The following LRRIQ1 variants were observed in gnomAD, a reference collection of about 807,000 sequenced individuals.
LRRIQ1 encodes leucine-rich repeat- and IQ domain-containing protein 1.
Under a neutral mutation model 211.9 loss-of-function variants are expected in LRRIQ1, and 210 were observed. That is an observed-to-expected ratio of 0.99 (90% CI 0.89 to 1.11). The LOEUF is 1.11. Among genes scored for constraint, LRRIQ1 ranks in the 50% most tolerant of loss-of-function variants. LRRIQ1 has a pLI of 0.00. For synonymous variants in LRRIQ1, 699 were observed against 650.1 expected (o/e 1.08, Z -1.14); for missense variants, 2,136 against 1,939.5 (o/e 1.10, Z -1.90).
rs1176380078 is a variant in LRRIQ1, at chr12:85,244,946, C to G, written c.*5C>G. 1 of 1,609,048 alleles carries G rather than the reference C, an allele frequency of 6.2e-7. No homozygotes were observed. Among genetic ancestry groups the G allele is most frequent in the African/African-American group, 1.3e-5 (1 of 74,626 alleles). ...TTTCCTTCAAAATTAATTTAGAAAT[C>G]ACAAACGAATTGATGGAACCTAATG... On this transcript the variant is annotated 3_prime_UTR_variant, in exon 27 of 27. Coordinates refer to ENST00000393217, the MANE Select transcript of LRRIQ1 (RefSeq NM_001079910.2).
chr12:85,105,959 G>A (rs572653916), intron 14 of LRRIQ1, among the ~76,000 whole-genome samples: 1 of 151,782 alleles, frequency 6.6e-6, no homozygotes, highest in South Asian at 2.1e-4. Context: ...ACCATGCCCA[G>A]CTAATTTTGT....
intron 24 of LRRIQ1, among the ~76,000 whole-genome samples, chr12:85,189,589 TACTC>T: frequency 6.6e-6 from 1 of 151,892 alleles, no homozygotes; most frequent in Non-Finnish European, 1.5e-5. Flanking sequence ...CTCCAAATAA[TACTC>T]AGCCTCTGAA....
intron 24 of LRRIQ1, among the ~76,000 whole-genome samples, chr12:85,197,930 TA>T (rs1452196558): frequency 3.6e-5 from 4 of 110,444 alleles, no homozygotes; most frequent in Non-Finnish European, 7.2e-5. Context: ...ATATATAATA[TA>T]ATTATATATA....
At chr12:85,217,582 GTA>G (rs62755460) in intron 24 of LRRIQ1, among the ~76,000 whole-genome samples, 57,308 of 118,358 alleles carry the variant, frequency 0.48, 17,151 homozygotes, top group African/African-American at 0.87. Flanking sequence ...GTATACATAT[GTA>G]TATATATATG....
intron 10 of LRRIQ1, among the ~76,000 whole-genome samples, chr12:85,070,603 C>G (rs1882981417): frequency 6.6e-6 from 1 of 151,854 alleles, no homozygotes; most frequent in South Asian, 2.1e-4. Flanking sequence ...ACTACTTGTT[C>G]TACCTTTCTC....
chr12:85,104,620 A>C (rs1356813156), intron 14 of LRRIQ1, among the ~76,000 whole-genome samples: 1 of 151,788 alleles, frequency 6.6e-6, no homozygotes, highest in Non-Finnish European at 1.5e-5. Flanking sequence ...CACTTTATAT[A>C]TTTATTAAAT....
chr12:85,217,648 GTATATGTATATATGTATATATGTGTA>G (rs1894200245), intron 24 of LRRIQ1, among the ~76,000 whole-genome samples: 1 of 133,124 alleles, frequency 7.5e-6, no homozygotes, highest in Non-Finnish European at 1.6e-5. Flanking sequence ...ATATATATGT[GTATATGTATATATGTATATATGTGTA>G]TATATGTATA....
At chr12:85,094,603 T>A (rs1885698695) in intron 11 of LRRIQ1, among the ~76,000 whole-genome samples, 2 of 152,170 alleles carry the variant, frequency 1.3e-5, no homozygotes, top group Admixed American at 6.6e-5. Flanking sequence ...TGGTCTTTTT[T>A]ATGTTCCATA....
At chr12:85,231,888 G>A (rs867348520) in intron 25 of LRRIQ1, among the ~76,000 whole-genome samples, 53 of 152,140 alleles carry the variant, frequency 3.5e-4, no homozygotes, top group African/African-American at 1.1e-3. Context: ...CATGAGTTTT[G>A]GTGAGACTAC....
intron 24 of LRRIQ1, among the ~76,000 whole-genome samples, chr12:85,161,115 A>C (rs903506462): frequency 6.6e-6 from 1 of 152,122 alleles, no homozygotes; most frequent in Non-Finnish European, 1.5e-5. Flanking sequence ...AGCCCTATAA[A>C]TTATACTCTG....
rs11116697 is a variant in LRRIQ1 at position 85,082,871 on chromosome 12, A to G, written c.2887+9773A>G. The stretch of plus-strand genomic sequence containing the variant: ...TGTGATTATTCTTAGATTTGGAATG[A>G]AAGTTTGGCCTCTAGAAATAATTTT... On this transcript the variant is annotated intron_variant, in intron 11 of 26. Coordinates refer to ENST00000393217, the MANE Select transcript of LRRIQ1 (RefSeq NM_001079910.2). Among the ~76,000 whole-genome samples the G allele has an allele frequency of 1.4e-3, 217 of 152,198 alleles. 2 individuals carry two copies. Among genetic ancestry groups the G allele is most frequent in the African/African-American group, 5.2e-3 (215 of 41,496 alleles).
intron 15 of LRRIQ1, among the ~76,000 whole-genome samples, chr12:85,113,330 G>C (rs377456106): frequency 1.3e-5 from 2 of 152,156 alleles, no homozygotes; most frequent in East Asian, 3.9e-4. Flanking sequence ...GAATTGTGTA[G>C]ATTGCACTTA....
chr12:85,196,169 A>G (rs1450022097), intron 24 of LRRIQ1, among the ~76,000 whole-genome samples: 4 of 152,120 alleles, frequency 2.6e-5, no homozygotes, highest in Admixed American at 1.3e-4. Flanking sequence ...GCTCAAGGAA[A>G]TAAAAGAGGA....
intron 10 of LRRIQ1, among the ~76,000 whole-genome samples, chr12:85,070,506 T>C (rs928156184): frequency 2.6e-5 from 4 of 152,004 alleles, no homozygotes; most frequent in Admixed American, 6.6e-5. Context: ...TGCTTACTAT[T>C]GTATGGAGAA....
At chr12:85,188,190 A>G (rs903279078) in intron 24 of LRRIQ1, among the ~76,000 whole-genome samples, 1 of 152,104 alleles carries the variant, frequency 6.6e-6, no homozygotes, top group Non-Finnish European at 1.5e-5. Context: ...ATCAAATTAT[A>G]TTAGAGTAAC....
At position 85,260,129 on chromosome 12, in the gene LRRIQ1, TAAAAA is replaced by T. The variant is rs34282611; in HGVS notation, c.122-2769_122-2765del. Among the ~76,000 whole-genome samples the T allele has an allele frequency of 7.1e-3, 822 of 115,586 alleles. 3 individuals carry two copies. The highest frequency in any genetic ancestry group is 0.011 in the Non-Finnish European group (615 of 57,588). The allele number at this position is 115,586 out of a possible 152,430, so 75.8% of individuals were successfully genotyped here. A position where few individuals can be genotyped will look rare whatever the true frequency, so the allele number is the denominator to read the frequency against. On this transcript the variant is annotated intron_variant, in intron 1 of 1. Transcript: ENST00000602731. ...CTTACATGTTACTTTTCATGTTGGT[TAAAAA>T]AAAAAAAAAAAAAAAAGCTTATATT...
rs762588372 is a variant in LRRIQ1 at position 85,137,837 on chromosome 12, C to A, written c.4210-13C>A. 4.4e-6 allele frequency: 7 copies of A among 1,574,676 alleles called. No individual in the cohort carries two copies. The South Asian group carries it at 8.3e-5, about 19-fold the overall frequency. On this transcript the variant is annotated splice_polypyrimidine_tract_variant and intron_variant, in intron 18 of 26. Coordinates refer to ENST00000393217, the MANE Select transcript of LRRIQ1 (RefSeq NM_001079910.2). ...CTATAACTTTGTATAACATACTTTA[C>A]ATTTTTGTTTAGGCAGTTTGGAAGG...
intron 24 of LRRIQ1, among the ~76,000 whole-genome samples, chr12:85,174,971 G>A (rs981489683): frequency 6.6e-6 from 1 of 151,928 alleles, no homozygotes; most frequent in Admixed American, 6.6e-5. Context: ...CTTGCAATGG[G>A]TCAGTTATCT....
chr12:85,114,671 A>ATTT (rs1887445754), intron 15 of LRRIQ1, among the ~76,000 whole-genome samples: 4 of 134,104 alleles, frequency 3.0e-5, no homozygotes, highest in Admixed American at 7.9e-5. Context: ...GAAAATAAAT[A>ATTT]ATATTTATAA....
Sources: gnomAD v4.1 joint callset for allele counts (sites outside exome capture counted in the v4.1 genomes callset) on GRCh38, gnomAD v4.1.1 for gene constraint, MANE v1.5 for transcripts, NCBI Gene and HGNC (gene_info 2026-07-23, HGNC 2026-07-21) for gene names.